Variants in PTPRF observed in about 807,000 individuals in gnomAD.
PTPRF encodes the protein receptor-type tyrosine-protein phosphatase F.
PTPRF carries 59 observed loss-of-function variants against 201.8 expected under a neutral mutation model. The ratio of observed to expected loss-of-function variants is 0.29; its 90% CI spans 0.24 to 0.36. The LOEUF is 0.36. Ranked by LOEUF, PTPRF falls within the 10% of genes least tolerant of loss-of-function variation. The pLI is 1.00. For missense variants in PTPRF, 2,132 were observed against 2,690.5 expected (o/e 0.79, Z 4.59); for synonymous variants, 1,088 against 1,089.7 (o/e 1.00, Z 0.03).
At position 43,618,762 on chromosome 1, in the gene PTPRF, C is replaced by A; in HGVS notation, c.4491+13C>A. 1 of 1,592,056 alleles carries A rather than the reference C, an allele frequency of 6.3e-7. No individual in the cohort carries two copies. Among genetic ancestry groups the A allele is most frequent in the Non-Finnish European group, 8.6e-7 (1 of 1,162,058 alleles). On this transcript the variant is annotated intron_variant, in intron 26 of 33. Coordinates refer to ENST00000359947, the MANE Select transcript of PTPRF (RefSeq NM_002840.5). Reference sequence around the variant, plus strand: ...CGCACTCCACAAGGTATAGCCTTTCCCCAGTGCATATCTCTTACCCAGACA... The same window carrying A: ...CGCACTCCACAAGGTATAGCCTTTCACCAGTGCATATCTCTTACCCAGACA...
At chr1:43,621,298 GCAA>G in intron 33 of PTPRF, 66 bp downstream of exon 33, 1 of 1,578,192 alleles carries the variant, frequency 6.3e-7, no homozygotes, top group East Asian at 2.3e-5. Flanking sequence ...CTAGGCTTTA[GCAA>G]CAGTTTGATG....
At chr1:43,580,802 T>A (rs1647395184) in intron 7 of PTPRF, among the ~76,000 whole-genome samples, 1 of 152,192 alleles carries the variant, frequency 6.6e-6, no homozygotes, top group Non-Finnish European at 1.5e-5. Context: ...GTTCCAGGCC[T>A]CAGCAAGAAA....
intron 3 of PTPRF, among the ~76,000 whole-genome samples, chr1:43,551,714 C>T (rs1645049794): frequency 6.6e-6 from 1 of 152,212 alleles, no homozygotes; most frequent in Admixed American, 6.5e-5. Flanking sequence ...ATACTACCTA[C>T]CTTATGGGAT....
intron 23 of PTPRF, among the ~76,000 whole-genome samples, chr1:43,615,236 C>A (rs1293036098): frequency 6.6e-6 from 1 of 152,162 alleles, no homozygotes; most frequent in Non-Finnish European, 1.5e-5. Flanking sequence ...GCCTATAGGG[C>A]CCCCCTGGGG....
intron 5 of PTPRF, among the ~76,000 whole-genome samples, chr1:43,563,682 C>T (rs11210871): frequency 3.3e-5 from 5 of 151,986 alleles, no homozygotes; most frequent in Middle Eastern, 3.2e-3. Context: ...CAGTTAGTTC[C>T]GTGGAGCCAT....
chr1:43,566,417 C>T (rs1465941991), intron 5 of PTPRF, among the ~76,000 whole-genome samples: 3 of 152,218 alleles, frequency 2.0e-5, no homozygotes, highest in Admixed American at 1.3e-4. Flanking sequence ...ACCTGGGTCT[C>T]AGTTTTCCCA....
At chr1:43,548,005 A>G (rs1428199520) in intron 3 of PTPRF, among the ~76,000 whole-genome samples, 2 of 152,150 alleles carry the variant, frequency 1.3e-5, no homozygotes, top group African/African-American at 2.4e-5. Context: ...CAGTGACCAC[A>G]GGGTGTGCTG....
intron 22 of PTPRF, among the ~76,000 whole-genome samples, chr1:43,610,238 G>A (rs573115823): frequency 1.3e-5 from 2 of 152,292 alleles, no homozygotes; most frequent in East Asian, 1.9e-4. Context: ...TGTATTCAGC[G>A]CACGATGGGT....
At position 43,591,423 on chromosome 1, in the gene PTPRF, C is replaced by T. The variant is rs759809582; in HGVS notation, c.1401C>T (p.Thr467=). The T allele has an allele frequency of 1.8e-5, 28 of 1,581,326 alleles. No homozygotes were observed. In the East Asian group the frequency reaches 3.7e-4, roughly 21 times the overall value. ...RPPNAWHKHN[T]DAGLLTTVGS... ...CGAACGCCTGGCACAAGCACAACAC[C>T]GACGCGGGGCTCCTCACGACCGTGG... The change falls in exon 9 of 34, where the codon ACC becomes ACT. Residue 467 remains threonine (T), a synonymous_variant. Coordinates refer to ENST00000359947, the MANE Select transcript of PTPRF (RefSeq NM_002840.5).
In PTPRF at chr1:43,622,272, C is replaced by T. The variant is rs1344807978; in HGVS notation, c.*269C>T. On this transcript the variant is annotated 3_prime_UTR_variant, in exon 34 of 34. Transcript: ENST00000359947. ...GGAGCCCGCTTCAAGCTCTCTGTTG[C>T]GCTCCCGCATTTCTCATGCTTCTTC... 18 of 489,048 alleles carry T rather than the reference C, an allele frequency of 3.7e-5. No homozygotes were observed. Among genetic ancestry groups the T allele is most frequent in the South Asian group, 8.5e-5 (3 of 35,314 alleles). The allele number at this position is 489,048 out of a possible 1,614,324, so 30.3% of individuals were successfully genotyped here.
chr1:43,531,562 A>G (rs1478255279), intron 1 of PTPRF, among the ~76,000 whole-genome samples: 1 of 144,214 alleles, frequency 6.9e-6, no homozygotes, highest in African/African-American at 2.6e-5. Context: ...CCCGCCGCAC[A>G]GGCGCCCCCT....
intron 21 of PTPRF, 84 bp downstream of exon 21, chr1:43,607,052 C>A (rs949740059): frequency 1.7e-5 from 26 of 1,538,502 alleles, no homozygotes; most frequent in Non-Finnish European, 2.3e-5. Flanking sequence ...CTGTGGAGAG[C>A]GTGCAGCCTT....
chr1:43,604,413 G>A (rs939957476), intron 16 of PTPRF, among the ~76,000 whole-genome samples: 23 of 152,182 alleles, frequency 1.5e-4, no homozygotes, highest in African/African-American at 5.3e-4. Context: ...ATGACCTTCT[G>A]ATCTCTTGTG....
At chr1:43,600,025 A>T (rs1236249442) in intron 13 of PTPRF, among the ~76,000 whole-genome samples, 1 of 152,184 alleles carries the variant, frequency 6.6e-6, no homozygotes, top group Non-Finnish European at 1.5e-5. Context: ...ACCCACACAG[A>T]CAGGAGCCTT....
Position 43,619,380 on chromosome 1 carries a change from T to TGACCTGCATGCGATCACAGAG in PTPRF, c.4742_4762dup (p.Thr1581_Arg1587dup). The TGACCTGCATGCGATCACAGAG allele has an allele frequency of 6.2e-7, 1 of 1,614,070 alleles. No individual in the cohort carries two copies. On this transcript the variant is annotated inframe_insertion, in exon 28 of 34. Coordinates refer to ENST00000359947, the MANE Select transcript of PTPRF (RefSeq NM_002840.5). ...AAGACGGTGGACATCTATGGCCACG[T>TGACCTGCATGCGATCACAGAG]GACCTGCATGCGATCACAGAGGAAC...
intron 5 of PTPRF, among the ~76,000 whole-genome samples, chr1:43,565,826 C>T (rs1051701773): frequency 3.3e-5 from 5 of 152,134 alleles, no homozygotes; most frequent in Non-Finnish European, 5.9e-5. Context: ...GGTGCCAGGG[C>T]GGACAGCGGA....
At chr1:43,561,589 C>G (rs1645808521) in intron 5 of PTPRF, among the ~76,000 whole-genome samples, 1 of 152,084 alleles carries the variant, frequency 6.6e-6, no homozygotes, top group Middle Eastern at 3.2e-3. Flanking sequence ...CAGCTTCTAC[C>G]TCTCCCTTAG....
chr1:43,606,233 C>T lies in PTPRF; in HGVS notation c.3484-7C>T. 6.2e-7 allele frequency: 1 copy of T among 1,610,614 alleles called. No homozygotes were observed. Among genetic ancestry groups the T allele is most frequent in the Non-Finnish European group, 8.5e-7 (1 of 1,179,038 alleles). ...CCCCTCATGACCCCCATGCTCTGCT[C>T]TGCCAGCTTCTAGAAGCCATCGAGC... On this transcript the variant is annotated splice_polypyrimidine_tract_variant and splice_region_variant and intron_variant, in intron 19 of 33. Coordinates refer to ENST00000359947, the MANE Select transcript of PTPRF (RefSeq NM_002840.5).
chr1:43,594,283 C>T (rs12071233), intron 11 of PTPRF, among the ~76,000 whole-genome samples: 10 of 25,554 alleles, frequency 3.9e-4, no homozygotes, highest in South Asian at 1.0e-3. Flanking sequence ...AGTGTCACCT[C>T]CCCAAGGCCT....
Sources: allele counts gnomAD v4.1 joint callset (sites outside exome capture counted in the v4.1 genomes callset), GRCh38; gene constraint gnomAD v4.1.1; transcripts MANE v1.5; gene names NCBI Gene and HGNC (gene_info 2026-07-23, HGNC 2026-07-21).